Variants in SNTG1 observed in about 807,000 individuals in gnomAD.
The protein encoded by SNTG1 is gamma-1-syntrophin.
In SNTG1, 39 loss-of-function variants were observed where a neutral mutation model predicts 74.7. The observed-to-expected ratio is 0.52, with a 90% confidence interval of 0.40 to 0.68. The LOEUF (loss-of-function observed/expected upper bound fraction) is 0.68, where lower values mean the gene tolerates loss of function less well. Ranked by LOEUF, SNTG1 falls within the 30% of genes least tolerant of loss-of-function variation. The pLI, the probability that SNTG1 is intolerant of heterozygous loss-of-function variation, is 0.00. For missense variants in SNTG1, 685 were observed against 609.5 expected, an observed-to-expected ratio of 1.12 and a Z score of -1.30; for synonymous variants, 254 against 217.1, an observed-to-expected ratio of 1.17 and a Z score of -1.49.
chr8:50,754,203 C>T (rs761008753), intron 18 of SNTG1, among the ~76,000 whole-genome samples: 1 of 151,836 alleles, frequency 6.6e-6, no homozygotes, highest in Non-Finnish European at 1.5e-5. Context: ...GGGATAAATG[C>T]CTAGAAGTGC....
chr8:50,290,170 A>G (rs1458045322), intron 2 of SNTG1, among the ~76,000 whole-genome samples: 1 of 152,104 alleles, frequency 6.6e-6, no homozygotes, highest in Non-Finnish European at 1.5e-5. Flanking sequence ...CTTCAGCCTC[A>G]TGTTTCTCAG....
chr8:49,967,436 T>C (rs952412299), intron 1 of SNTG1, among the ~76,000 whole-genome samples: 1 of 152,222 alleles, frequency 6.6e-6, no homozygotes, highest in East Asian at 1.9e-4. Context: ...ATTGTTTACT[T>C]TCTGCTTTGG....
chr8:50,534,404 C>A (rs2094292802), intron 10 of SNTG1, among the ~76,000 whole-genome samples: 1 of 152,124 alleles, frequency 6.6e-6, no homozygotes, highest in South Asian at 2.1e-4. Flanking sequence ...TCACAGAAAC[C>A]TTGTTTGTTT....
intron 13 of SNTG1, among the ~76,000 whole-genome samples, chr8:50,615,077 G>A (rs1417033523): frequency 5.2e-4 from 79 of 151,822 alleles, no homozygotes; most frequent in Non-Finnish European, 1.3e-4. Context: ...CGAGTAGCTA[G>A]GACTACCCGC....
At chr8:50,067,254 T>A (rs76141202) in intron 1 of SNTG1, among the ~76,000 whole-genome samples, 1 of 149,616 alleles carries the variant, frequency 6.7e-6, no homozygotes, top group Non-Finnish European at 1.5e-5. Context: ...CATATGTGGC[T>A]TTTTTTTTAC....
intron 12 of SNTG1, among the ~76,000 whole-genome samples, chr8:50,579,487 G>T (rs948580495): frequency 1.3e-5 from 2 of 152,174 alleles, no homozygotes; most frequent in Non-Finnish European, 2.9e-5. Flanking sequence ...TTCAGGGCGT[G>T]TCAGAGACCT....
At chr8:50,083,722 A>G (rs1262964150) in intron 1 of SNTG1, among the ~76,000 whole-genome samples, 3 of 152,236 alleles carry the variant, frequency 2.0e-5, no homozygotes, top group African/African-American at 7.2e-5. Flanking sequence ...GTGCTAACAC[A>G]GATATGTATC....
chr8:50,022,920 C>A (rs576068412), intron 1 of SNTG1, among the ~76,000 whole-genome samples: 47 of 152,182 alleles, frequency 3.1e-4, no homozygotes, highest in African/African-American at 1.1e-3. Flanking sequence ...TCAAAATTAT[C>A]CTAATAGGAG....
chr8:50,195,800 G>A (rs918499362), intron 2 of SNTG1, among the ~76,000 whole-genome samples: 4 of 152,106 alleles, frequency 2.6e-5, no homozygotes, highest in African/African-American at 9.7e-5. Context: ...GGTCCTACAG[G>A]AGCAGTTCAC....
chr8:50,741,147 C>A (rs1220105869), intron 17 of SNTG1, among the ~76,000 whole-genome samples: 1 of 151,942 alleles, frequency 6.6e-6, no homozygotes, highest in Non-Finnish European at 1.5e-5. Flanking sequence ...TTTTCTGAGG[C>A]AGAGTCTTGC....
At chr8:50,307,822 C>T (rs1019566363) in intron 2 of SNTG1, among the ~76,000 whole-genome samples, 2 of 151,976 alleles carry the variant, frequency 1.3e-5, no homozygotes, top group African/African-American at 4.8e-5. Flanking sequence ...TATAGCTGAA[C>T]TTTTAGGAAA....
intron 8 of SNTG1, among the ~76,000 whole-genome samples, chr8:50,490,185 A>G (rs1017634260): frequency 6.6e-6 from 1 of 152,162 alleles, no homozygotes. Flanking sequence ...CTTGTACTAT[A>G]GTTCGAAATC....
intron 18 of SNTG1, among the ~76,000 whole-genome samples, chr8:50,766,707 T>A (rs2095614762): frequency 6.6e-6 from 1 of 151,916 alleles, no homozygotes; most frequent in Admixed American, 6.6e-5. Flanking sequence ...ATGCCAAAAA[T>A]TGTTGAACTT....
intron 1 of SNTG1, among the ~76,000 whole-genome samples, chr8:50,021,863 C>G (rs1237437532): frequency 1.3e-5 from 2 of 150,334 alleles, no homozygotes; most frequent in African/African-American, 4.9e-5. Flanking sequence ...CTTGCTTGAG[C>G]CTGGGAGATT....
intron 1 of SNTG1, among the ~76,000 whole-genome samples, chr8:49,984,905 A>G (rs998976087): frequency 1.3e-5 from 2 of 152,200 alleles, no homozygotes; most frequent in African/African-American, 4.8e-5. Context: ...AAGCATCTGT[A>G]TCATAAAGCA....
chr8:50,204,704 TG>T (rs1247836102), intron 2 of SNTG1, among the ~76,000 whole-genome samples: 3 of 152,140 alleles, frequency 2.0e-5, no homozygotes, highest in Non-Finnish European at 4.4e-5. Flanking sequence ...TATCTCCTAA[TG>T]CTATCCCTCC....
chr8:50,250,589 G>T (rs1001190040), intron 2 of SNTG1, among the ~76,000 whole-genome samples: 1 of 151,996 alleles, frequency 6.6e-6, no homozygotes, highest in African/African-American at 2.4e-5. Flanking sequence ...TACATATAGG[G>T]GAATTTCCAT....
intron 1 of SNTG1, among the ~76,000 whole-genome samples, chr8:49,961,283 T>C (rs67415969): frequency 0.11 from 16,611 of 152,314 alleles, 1,101 homozygotes; most frequent in South Asian, 0.22. Flanking sequence ...TGATATTTTA[T>C]TTAAACATGT....
At chr8:50,591,511 T>C (rs151111498) in intron 13 of SNTG1, among the ~76,000 whole-genome samples, 6 of 152,346 alleles carry the variant, frequency 3.9e-5, no homozygotes, top group African/African-American at 1.4e-4. Flanking sequence ...ATTTTTCTTA[T>C]CTAAACCTCA....
Sources: gnomAD v4.1 joint callset for allele counts (sites outside exome capture counted in the v4.1 genomes callset) on GRCh38, gnomAD v4.1.1 for gene constraint, MANE v1.5 for transcripts, NCBI Gene and HGNC (gene_info 2026-07-23, HGNC 2026-07-21) for gene names.